The following TXNDC5 variants were observed in gnomAD, a reference collection of about 807,000 sequenced individuals.
TXNDC5 encodes the protein thioredoxin domain containing 5.
TXNDC5 carries 44 observed loss-of-function variants against 52.6 expected under a neutral mutation model. The observed-to-expected ratio is 0.84, with a 90% CI of 0.66 to 1.08. TXNDC5 has a LOEUF of 1.08. Among genes scored for constraint, TXNDC5 ranks in the 50% least tolerant of loss-of-function variants. The pLI is 0.00. For synonymous variants in TXNDC5, 241 were observed against 234.4 expected (o/e 1.03, Z -0.26); for missense variants, 600 against 565.5 (o/e 1.06, Z -0.62).
In TXNDC5 at chr6:7,884,439, T is replaced by C; in HGVS notation, c.1096A>G (p.Lys366Glu). The change falls in exon 9 of 10, where the codon AAG becomes GAG. Residue 366 changes from lysine (K) to glutamate (E), a missense_variant. Coordinates refer to ENST00000379757, the MANE Select transcript of TXNDC5 (RefSeq NM_030810.5). ...ACCCCCGCCAGACCAGGGAATTCCT[T>C]TTTAGAGAGTTCCTCCCAAGTAGGA... ...LAPTWEELSK[K>E]EFPGLAGVKI... The C allele has an allele frequency of 6.2e-7, 1 of 1,614,050 alleles. No individual in the cohort carries two copies. Among genetic ancestry groups the C allele is most frequent in the Non-Finnish European group, 8.5e-7 (1 of 1,179,978 alleles).
At chr6:7,889,187 G>A (rs1225626211) in intron 6 of TXNDC5, 2 of 447,764 alleles carry the variant, frequency 4.5e-6, no homozygotes, top group African/African-American at 2.0e-5. Context: ...ACCGGACCAA[G>A]TGCAAGCCTT....
In TXNDC5 at chr6:7,891,641, C is replaced by T. The variant is rs147681862; in HGVS notation, c.712G>A (p.Glu238Lys). 9.4e-5 allele frequency: 151 copies of T among 1,613,816 alleles called. No homozygotes were observed. The highest frequency in any genetic ancestry group is 7.7e-4 in the Admixed American group (46 of 60,010). ...EQLALGLEHS[E>K]TVKIGKVDCT... The stretch of plus-strand genomic sequence containing the variant: ...CTCACCTTGCCAATCTTGACAGTTT[C>T]GGAATGTTCAAGGCCCAGAGCCAGC... The change falls in exon 5 of 10, where the codon GAA becomes AAA. Residue 238 changes from glutamate (E) to lysine (K), a missense_variant. Physicochemically the swap from Glu to Lys is moderately conservative, Grantham distance 56. Coordinates refer to ENST00000379757, the MANE Select transcript of TXNDC5 (RefSeq NM_030810.5).
chr6:7,893,873 T>A (rs1760282799), intron 4 of TXNDC5, among the ~76,000 whole-genome samples: 1 of 152,144 alleles, frequency 6.6e-6, no homozygotes, highest in Non-Finnish European at 1.5e-5. Flanking sequence ...ATGGTAGCAT[T>A]TGGTAATGGG....
In TXNDC5 at chr6:7,904,554, C is replaced by A. The variant is rs748894834; in HGVS notation, c.413+20G>T. On this transcript the variant is annotated intron_variant, in intron 2 of 9. Coordinates refer to ENST00000379757, the MANE Select transcript of TXNDC5 (RefSeq NM_030810.5). ...AGCCAGGAGCCACCTAGGAAGTGTG[C>A]CCCCTTCCTTCCAACTTACGTGGGG... 11 of 1,612,560 alleles carry A rather than the reference C, an allele frequency of 6.8e-6. No individual in the cohort carries two copies. The East Asian group carries it at 8.9e-5, about 13-fold the overall frequency.
At chr6:7,898,748 G>A (rs1460203024) in intron 3 of TXNDC5, among the ~76,000 whole-genome samples, 1 of 149,290 alleles carries the variant, frequency 6.7e-6, no homozygotes, top group Non-Finnish European at 1.5e-5. Context: ...ACCCACAAAG[G>A]AACACTTAAC....
chr6:7,905,341 A>G (rs1355304575), intron 1 of TXNDC5, among the ~76,000 whole-genome samples: 1 of 152,200 alleles, frequency 6.6e-6, no homozygotes, highest in Admixed American at 6.5e-5. Context: ...CTCCTCCACT[A>G]TATAACCAAA....
In TXNDC5 at chr6:7,910,681, C is replaced by CCCG; in HGVS notation, c.93_95dup (p.Gly32dup). ...CCTCCTGGGCCCGGGCGCCCCAGCG[C>CCCG]CCGCCGCCGCCATGGCCCAGCAGCA... is the stretch of plus-strand genomic sequence containing the variant. On this transcript the variant is annotated inframe_insertion, in exon 1 of 10. Transcript: ENST00000379757. 2 of 1,116,714 alleles carry CCCG rather than the reference C, an allele frequency of 1.8e-6. No homozygotes were observed. The highest frequency in any genetic ancestry group is 1.7e-5 in the African/African-American group (1 of 59,498). 69.2% of individuals were successfully genotyped at this position (1,116,714 alleles called of 1,614,324 possible). A position where few individuals can be genotyped will look rare whatever the true frequency, so the allele number is the denominator to read the frequency against.
At chr6:7,887,680 C>T (rs1271538653) in intron 7 of TXNDC5, among the ~76,000 whole-genome samples, 1 of 152,174 alleles carries the variant, frequency 6.6e-6, no homozygotes, top group Non-Finnish European at 1.5e-5. Flanking sequence ...ACAGAGCCTC[C>T]ATGGGCTCCC....
intron 7 of TXNDC5, among the ~76,000 whole-genome samples, chr6:7,887,934 C>T (rs903221024): frequency 6.6e-6 from 1 of 152,122 alleles, no homozygotes; most frequent in African/African-American, 2.4e-5. Flanking sequence ...TCAATCAGCT[C>T]CTTAGGGACA....
intron 3 of TXNDC5, among the ~76,000 whole-genome samples, chr6:7,899,100 A>G (rs554482033): frequency 9.9e-5 from 15 of 152,116 alleles, no homozygotes; most frequent in Non-Finnish European, 1.8e-4. Context: ...TGGCTTGGAT[A>G]GGAGATTCTA....
chr6:7,897,293 T>C (rs1290553725), intron 3 of TXNDC5, among the ~76,000 whole-genome samples: 1 of 152,118 alleles, frequency 6.6e-6, no homozygotes, highest in African/African-American at 2.4e-5. Context: ...AAGTGACAAA[T>C]TGTCTTTTGA....
chr6:7,883,006 C>A lies in TXNDC5; in HGVS notation c.*138G>T. On this transcript the variant is annotated 3_prime_UTR_variant, in exon 10 of 10. Coordinates refer to ENST00000379757, the MANE Select transcript of TXNDC5 (RefSeq NM_030810.5). ...AGTGTGTTGGCTTGGAAAACACACA[C>A]ACAAAGAAGATACCTCACGCTTAGT... 8.5e-7 allele frequency: 1 copy of A among 1,176,264 alleles called. No homozygotes were observed. The allele number at this position is 1,176,264 out of a possible 1,614,324, so 72.9% of individuals were successfully genotyped here.
chr6:7,893,749 G>A (rs1291601252), intron 4 of TXNDC5, among the ~76,000 whole-genome samples: 2 of 152,248 alleles, frequency 1.3e-5, no homozygotes, highest in East Asian at 3.8e-4. Context: ...ACTGTGGACA[G>A]TAAGTGTGGT....
chr6:7,909,997 A>C (rs896160068), intron 1 of TXNDC5: 65 of 986,066 alleles, frequency 6.6e-5, no homozygotes, highest in Non-Finnish European at 7.7e-5. Flanking sequence ...GCGGGGTGAC[A>C]TTTGGACTCC....
intron 1 of TXNDC5, among the ~76,000 whole-genome samples, chr6:7,908,281 C>CA (rs57783770): frequency 0.012 from 743 of 61,694 alleles, 5 homozygotes; most frequent in East Asian, 0.042. Flanking sequence ...GACTCCATCT[C>CA]AAAAAAAAAA....
intron 1 of TXNDC5, among the ~76,000 whole-genome samples, chr6:7,905,782 T>C (rs999060212): frequency 6.6e-6 from 1 of 152,258 alleles, no homozygotes; most frequent in African/African-American, 2.4e-5. Flanking sequence ...AGGAACACAC[T>C]GATGCCTACA....
intron 1 of TXNDC5, 57 bp downstream of exon 1, chr6:7,910,457 C>T: frequency 7.4e-7 from 1 of 1,344,946 alleles, no homozygotes; most frequent in East Asian, 3.7e-5. Context: ...CGCCCAAGCG[C>T]CCCACGCCCC....
intron 2 of TXNDC5, among the ~76,000 whole-genome samples, chr6:7,901,295 C>G (rs1581325306): frequency 1.3e-5 from 2 of 152,288 alleles, no homozygotes; most frequent in South Asian, 4.1e-4. Flanking sequence ...TGTTCCGCAC[C>G]TGGAAACAGA....
chr6:7,884,242 TA>T, intron 9 of TXNDC5, 116 bp downstream of exon 9: 2 of 1,417,008 alleles, frequency 1.4e-6, no homozygotes, highest in East Asian at 2.3e-5. Context: ...CAAAGGGACA[TA>T]AAAACCACAT....
Sources: gnomAD v4.1 joint callset for allele counts (sites outside exome capture counted in the v4.1 genomes callset) on GRCh38, gnomAD v4.1.1 for gene constraint, MANE v1.5 for transcripts, NCBI Gene and HGNC (gene_info 2026-07-23, HGNC 2026-07-21) for gene names.